Variants in KIR2DL1 observed in about 807,000 individuals in gnomAD.
KIR2DL1 encodes the protein killer cell immunoglobulin like receptor, two Ig domains and long cytoplasmic tail 1.
KIR2DL1 carries 38 observed loss-of-function variants against 33.9 expected under a neutral mutation model. The observed-to-expected ratio is 1.12, with a 90% CI of 0.86 to 1.47. The LOEUF is 1.47. Ranked by LOEUF, KIR2DL1 falls within the 40% of genes most tolerant of loss-of-function variation. The pLI, the probability that KIR2DL1 is intolerant of heterozygous loss-of-function variation, is 0.00. For synonymous variants in KIR2DL1, 179 were observed against 165.9 expected, an observed-to-expected ratio of 1.08 and a Z score of -0.61; for missense variants, 531 against 433.9, an observed-to-expected ratio of 1.22 and a Z score of -1.99.
Position 54,783,686 on chromosome 19 carries a change from A to T in KIR2DL1, c.920A>T (p.His307Leu), listed in dbSNP as rs373157687. The stretch of plus-strand genomic sequence containing the variant: ...GAGGTGACATACACACAGTTGAATC[A>T]CTGCGTTTTCACACAGAGAAAAATC... ...PQEVTYTQLNHCVFTQRKITR... is the reference protein window; with the variant it reads ...PQEVTYTQLNLCVFTQRKITR... Residue 307 changes from histidine (H) to leucine (L), a missense_variant, in exon 8 of 8, where the codon CAC (histidine) becomes CTC (leucine). Transcript: ENST00000336077. 5.0e-6 allele frequency: 8 copies of T among 1,613,998 alleles called. No homozygotes were observed. In the East Asian group the frequency reaches 6.7e-5, roughly 13 times the overall value.
chr19:54,778,722 T>A (rs561464210), intron 5 of KIR2DL1, 60 bp downstream of exon 5: 1 of 1,406,312 alleles, frequency 7.1e-7, no homozygotes, highest in Non-Finnish European at 9.9e-7. Flanking sequence ...GAACCTTGGA[T>A]TCAGGCGTTG....
intron 4 of KIR2DL1, among the ~76,000 whole-genome samples, chr19:54,777,824 A>G (rs1309105326): frequency 6.7e-6 from 1 of 148,298 alleles, no homozygotes; most frequent in East Asian, 1.9e-4. Flanking sequence ...CACATCTTTA[A>G]TCCATTTTCA....
At chr19:54,772,177 G>GA (rs2075808418) in intron 2 of KIR2DL1, among the ~76,000 whole-genome samples, 3 of 146,854 alleles carry the variant, frequency 2.0e-5, no homozygotes, top group African/African-American at 7.5e-5. Context: ...TGGGGAGACA[G>GA]CCTGGACTGT....
At position 54,781,565 on chromosome 19, in the gene KIR2DL1, G is replaced by A. The variant is rs547768219; in HGVS notation, c.716-1357G>A. On this transcript the variant is annotated intron_variant, in intron 5 of 7. Coordinates refer to ENST00000336077, the MANE Select transcript of KIR2DL1 (RefSeq NM_014218.3). ...CCAGATCTTGGAATCAGAGATCAGCGACAGCACTAGCTCCTGCTCCCCTTT... is the reference window on the plus strand; with the variant it reads ...CCAGATCTTGGAATCAGAGATCAGCAACAGCACTAGCTCCTGCTCCCCTTT... Among the ~76,000 whole-genome samples, 19 of 151,254 alleles carry A rather than the reference G, an allele frequency of 1.3e-4. 2 individuals carry two copies. In the South Asian group the frequency reaches 1.5e-3, roughly 12 times the overall value.
At position 54,783,167 on chromosome 19, in the gene KIR2DL1, C is replaced by G. The variant is rs1203772782; in HGVS notation, c.817+144C>G. On this transcript the variant is annotated intron_variant, in intron 6 of 7. Coordinates refer to ENST00000336077, the MANE Select transcript of KIR2DL1 (RefSeq NM_014218.3). ...GAGGCAGGACTTTCTAGAGAGGGCACCAGACTCCCTGTCCCTGCCTTCAAC... is the reference window on the plus strand; with the variant it reads ...GAGGCAGGACTTTCTAGAGAGGGCAGCAGACTCCCTGTCCCTGCCTTCAAC... The G allele has an allele frequency of 2.5e-5, 24 of 966,364 alleles. No homozygotes were observed. The African/African-American group carries it at 3.7e-4, about 15-fold the overall frequency. The allele number at this position is 966,364 out of a possible 1,614,324, so 59.9% of individuals were successfully genotyped here. A position where few individuals can be genotyped will look rare whatever the true frequency, so the allele number is the denominator to read the frequency against.
At chr19:54,782,502 G>C (rs921916545) in intron 5 of KIR2DL1, among the ~76,000 whole-genome samples, 4 of 152,134 alleles carry the variant, frequency 2.6e-5, no homozygotes, top group African/African-American at 9.6e-5. Flanking sequence ...GAGGGAGCAA[G>C]GGGGAGGGGG....
chr19:54,772,468 G>T (rs622889), intron 2 of KIR2DL1, among the ~76,000 whole-genome samples: 2 of 142,980 alleles, frequency 1.4e-5, no homozygotes, highest in South Asian at 2.2e-4. Context: ...CTCTCTCCTG[G>T]TGCCATGCTT....
chr19:54,773,262 G>A (rs17173079), intron 2 of KIR2DL1, 71 bp from the exon 3 acceptor site: 2 of 1,451,786 alleles, frequency 1.4e-6, no homozygotes, highest in African/African-American at 1.4e-5. Flanking sequence ...GGGGAAGCCT[G>A]ACTCAATCCA....
chr19:54,770,805 G>T lies in KIR2DL1; in HGVS notation c.35-44G>T, dbSNP rs771061842. ...CCAGTGGGGGCAGCAAGGGTGCCCT[G>T]GTTTGCCTGCAGATGGGTCATCCAT... is the stretch of plus-strand genomic sequence containing the variant. On this transcript the variant is annotated intron_variant, in intron 1 of 7. Transcript: ENST00000336077. The T allele has an allele frequency of 1.4e-5, 22 of 1,580,580 alleles. 1 individual carries two copies. Among genetic ancestry groups the T allele is most frequent in the South Asian group, 1.3e-4 (12 of 90,184 alleles).
At chr19:54,780,112 C>T in intron 5 of KIR2DL1, 2 of 525,710 alleles carry the variant, frequency 3.8e-6, no homozygotes. Context: ...CCACGTTGGC[C>T]AAGCTTGTCT....
chr19:54,776,886 C>T (rs1555908942), intron 4 of KIR2DL1, among the ~76,000 whole-genome samples: 7 of 147,218 alleles, frequency 4.8e-5, no homozygotes, highest in Admixed American at 6.8e-5. Flanking sequence ...AACTGAGGTG[C>T]CCGCCTCAGT....
rs544778628 is a variant in KIR2DL1, at chr19:54,783,810, A to G, written c.1044A>G (p.Pro348=). 68 of 1,614,002 alleles carry G rather than the reference A, an allele frequency of 4.2e-5. No individual in the cohort carries two copies. The East Asian group carries it at 1.3e-3, about 32-fold the overall frequency. The change falls in exon 8 of 8, where the codon CCA becomes CCG. Residue 348 remains proline (P), a synonymous_variant. Coordinates refer to ENST00000336077, the MANE Select transcript of KIR2DL1 (RefSeq NM_014218.3). The part of the protein sequence containing the change: ...AESRSKVVSC[P] ...CCAGATCCAAAGTTGTCTCCTGCCC[A>G]TGAGCACCACAGTCAGGCCTTGAGG... is the stretch of plus-strand genomic sequence containing the variant.
Position 54,781,426 on chromosome 19 carries a change from A to G in KIR2DL1, c.716-1496A>G, listed in dbSNP as rs1472877891. 1.7e-4 allele frequency among the ~76,000 whole-genome samples: 25 copies of G among 149,464 alleles called. No homozygotes were observed. The East Asian group carries it at 3.7e-3, about 22-fold the overall frequency. On this transcript the variant is annotated intron_variant, in intron 5 of 7. Coordinates refer to ENST00000336077, the MANE Select transcript of KIR2DL1 (RefSeq NM_014218.3). ...GAATAGAGAAAGTGCTCTGGTCATC[A>G]CAAAAAAAACTTGCCCACTCACCCA...
intron 3 of KIR2DL1, among the ~76,000 whole-genome samples, chr19:54,774,774 G>A (rs1375147515): frequency 1.4e-5 from 2 of 148,034 alleles, no homozygotes; most frequent in Non-Finnish European, 3.0e-5. Context: ...ATAGATGACA[G>A]GTAGAGAATT....
At position 54,778,599 on chromosome 19, in the gene KIR2DL1, T is replaced by C. The variant is rs755692210; in HGVS notation, c.665-13T>C. 16 of 1,540,156 alleles carry C rather than the reference T, an allele frequency of 1.0e-5. No individual in the cohort carries two copies. The highest frequency in any genetic ancestry group is 1.3e-5 in the Non-Finnish European group (15 of 1,122,236). On this transcript the variant is annotated splice_polypyrimidine_tract_variant and intron_variant, in intron 4 of 7. Transcript: ENST00000336077. Reference sequence around the variant, plus strand: ...CCCTCATTTCCTCACCTCTCTCCTGTCTCATGTTCTAGGAAACCCTTCAAA... The same window carrying C: ...CCCTCATTTCCTCACCTCTCTCCTGCCTCATGTTCTAGGAAACCCTTCAAA...
At chr19:54,777,156 T>C (rs1157619576) in intron 4 of KIR2DL1, among the ~76,000 whole-genome samples, 1 of 150,626 alleles carries the variant, frequency 6.6e-6, no homozygotes, top group Non-Finnish European at 1.5e-5. Context: ...AGTGGCGCTA[T>C]CTCGGCTCAC....
intron 4 of KIR2DL1, among the ~76,000 whole-genome samples, chr19:54,777,098 AT>A (rs1457746527): frequency 1.3e-5 from 2 of 151,020 alleles, no homozygotes; most frequent in African/African-American, 2.4e-5. Context: ...ATTTTATTTC[AT>A]TTTATTTTGA....
chr19:54,770,141 G>A (rs1415710452), intron 1 of KIR2DL1, among the ~76,000 whole-genome samples: 1 of 145,526 alleles, frequency 6.9e-6, no homozygotes, highest in East Asian at 2.0e-4. Flanking sequence ...ACCTGGAGGG[G>A]AGATAGGAAC....
At chr19:54,777,556 T>C (rs1184457304) in intron 4 of KIR2DL1, among the ~76,000 whole-genome samples, 477 of 148,976 alleles carry the variant, frequency 3.2e-3, no homozygotes, top group African/African-American at 0.011. Context: ...GAGCTTCTTA[T>C]ATTTCTAGTT....
Sources: allele counts gnomAD v4.1 joint callset (sites outside exome capture counted in the v4.1 genomes callset), GRCh38; gene constraint gnomAD v4.1.1; transcripts MANE v1.5; gene names NCBI Gene and HGNC (gene_info 2026-07-23, HGNC 2026-07-21).